The following RGPD6 variants were observed in gnomAD, a reference collection of about 807,000 sequenced individuals.
RGPD6 encodes RANBP2-like and GRIP domain-containing protein 5/6.
chr2:110,606,731 T>C, the RGPD6 span, among the ~76,000 whole-genome samples: 1 of 149,952 alleles, frequency 6.7e-6, no homozygotes, highest in Non-Finnish European at 1.5e-5. Context: ...GATGTCTCCA[T>C]GTACTCTCAA....
the RGPD6 span, among the ~76,000 whole-genome samples, chr2:110,604,704 A>T: frequency 1.3e-5 from 2 of 150,942 alleles, no homozygotes; most frequent in Admixed American, 1.3e-4. Context: ...TCAAACAGGC[A>T]AATCTATTCC....
At chr2:110,599,783 CCTAA>C in the RGPD6 span, among the ~76,000 whole-genome samples, 7 of 87,096 alleles carry the variant, frequency 8.0e-5, no homozygotes, top group South Asian at 4.9e-4. Flanking sequence ...TAATTATTTA[CCTAA>C]CTATTAGAAA....
chr2:110,609,562 T>C, the RGPD6 span, among the ~76,000 whole-genome samples: 4 of 142,780 alleles, frequency 2.8e-5, no homozygotes, highest in African/African-American at 8.6e-5. Flanking sequence ...AGCTTTAAAA[T>C]TGTACATTGC....
chr2:110,604,457 A>G, the RGPD6 span, among the ~76,000 whole-genome samples: 1 of 140,990 alleles, frequency 7.1e-6, no homozygotes, highest in Non-Finnish European at 1.5e-5. Flanking sequence ...GAGAAAAATC[A>G]TGAGCTGCCC....
the RGPD6 span, among the ~76,000 whole-genome samples, chr2:110,591,689 T>A: frequency 6.6e-6 from 1 of 151,952 alleles, no homozygotes; most frequent in African/African-American, 2.4e-5. Context: ...TTATGCAACA[T>A]CATTTCCTCC....
the RGPD6 span, among the ~76,000 whole-genome samples, chr2:110,610,519 G>A: frequency 1.3e-5 from 2 of 151,766 alleles, no homozygotes; most frequent in East Asian, 3.9e-4. Flanking sequence ...ACAGGAGAGG[G>A]GGAAACAGAC....
chr2:110,610,767 T>A, the RGPD6 span: 1 of 1,126,012 alleles, frequency 8.9e-7, no homozygotes, highest in East Asian at 7.5e-5. Flanking sequence ...AAGCTGTCCA[T>A]GGTGGGAGGT....
the RGPD6 span, among the ~76,000 whole-genome samples, chr2:110,601,638 G>C: frequency 6.8e-6 from 1 of 146,286 alleles, no homozygotes; most frequent in Non-Finnish European, 1.5e-5. Flanking sequence ...TGAAGGAAGA[G>C]TTAGAACAGT....
chr2:110,602,200 GAGA>G, the RGPD6 span, among the ~76,000 whole-genome samples: 9 of 150,168 alleles, frequency 6.0e-5, 1 homozygote, highest in South Asian at 2.1e-4. Context: ...ATGGCGCAGA[GAGA>G]AGAAGGTTGG....
At chr2:110,609,518 T>A in the RGPD6 span, among the ~76,000 whole-genome samples, 1 of 140,632 alleles carries the variant, frequency 7.1e-6, no homozygotes, top group Admixed American at 7.1e-5. Context: ...GATCCACATA[T>A]CATCTATATG....
At chr2:110,606,804 C>T in the RGPD6 span, among the ~76,000 whole-genome samples, 9 of 151,578 alleles carry the variant, frequency 5.9e-5, no homozygotes, top group South Asian at 2.1e-4. Flanking sequence ...TTCATGGAAG[C>T]CTTTTTTCGT....
At chr2:110,605,355 T>C in the RGPD6 span, among the ~76,000 whole-genome samples, 1 of 151,036 alleles carries the variant, frequency 6.6e-6, no homozygotes, top group African/African-American at 2.5e-5. Context: ...CGCAGTCAAC[T>C]ACACGGTGAC....
the RGPD6 span, among the ~76,000 whole-genome samples, chr2:110,598,520 TTCC>T: frequency 1.5e-5 from 1 of 67,126 alleles, no homozygotes; most frequent in Non-Finnish European, 3.5e-5. Context: ...CAGCTTGCTC[TTCC>T]TCCTACTTTC....
chr2:110,606,137 T>C, the RGPD6 span, among the ~76,000 whole-genome samples: 1 of 151,684 alleles, frequency 6.6e-6, no homozygotes, highest in Non-Finnish European at 1.5e-5. Context: ...TATCGAAGTG[T>C]ATCACACATA....
At chr2:110,596,965 T>C in the RGPD6 span, among the ~76,000 whole-genome samples, 1 of 36,800 alleles carries the variant, frequency 2.7e-5, no homozygotes, top group African/African-American at 8.6e-5. Flanking sequence ...ATATATAATA[T>C]ATATTATGTA....
the RGPD6 span, chr2:110,611,042 G>A: frequency 1.0e-6 from 1 of 961,532 alleles, no homozygotes; most frequent in Non-Finnish European, 1.2e-6. Context: ...CCGCGCCGCC[G>A]CCGCCACCGC....
chr2:110,610,606 C>G, the RGPD6 span, among the ~76,000 whole-genome samples: 1 of 143,696 alleles, frequency 7.0e-6, no homozygotes, highest in Non-Finnish European at 1.5e-5. Flanking sequence ...CACCCCACCC[C>G]CACGGCGGCC....
chr2:110,591,874 A>G, the RGPD6 span, among the ~76,000 whole-genome samples: 1 of 148,048 alleles, frequency 6.8e-6, no homozygotes, highest in Non-Finnish European at 1.5e-5. Context: ...TCTGGGAAGC[A>G]GCTAAATTTG....
At chr2:110,589,702 G>C in the RGPD6 span, among the ~76,000 whole-genome samples, 3 of 142,380 alleles carry the variant, frequency 2.1e-5, no homozygotes, top group African/African-American at 8.5e-5. Flanking sequence ...AGGCAGTCAA[G>C]AAGGGACTCC....
Sources: gnomAD v4.1 joint callset for allele counts (sites outside exome capture counted in the v4.1 genomes callset) on GRCh38, gnomAD v4.1.1 for gene constraint, MANE v1.5 for transcripts, NCBI Gene and HGNC (gene_info 2026-07-23, HGNC 2026-07-21) for gene names.